COL6A6: variants seen among roughly 807,000 people sequenced by gnomAD.
The protein encoded by COL6A6 is collagen alpha-6(VI) chain.
A neutral mutation model predicts 208.6 loss-of-function variants in COL6A6; 183 were observed. The observed-to-expected ratio is 0.88, with a 90% CI of 0.78 to 0.99. The LOEUF (loss-of-function observed/expected upper bound fraction) is 0.99, where lower values mean the gene tolerates loss of function less well. COL6A6 is among the 50% of genes least tolerant of loss of function. The probability of loss-of-function intolerance (pLI) is 0.00; values close to 1 mark genes in which losing one functional copy is unlikely to be tolerated. For synonymous variants in COL6A6, 973 were observed against 1,011.8 expected (o/e 0.96, Z 0.73); for missense variants, 2,816 against 2,815.2 (o/e 1.00, Z -0.01).
intron 1 of COL6A6, 78 bp from the exon 2 acceptor site, chr3:130,560,256 A>C: frequency 1.2e-6 from 1 of 842,952 alleles, no homozygotes; most frequent in Non-Finnish European, 1.8e-6. Flanking sequence ...TTATTATATA[A>C]TTTTGTATGC....
intron 1 of COL6A6, among the ~76,000 whole-genome samples, chr3:130,549,240 G>A (rs777678201): frequency 2.6e-5 from 4 of 152,086 alleles, no homozygotes; most frequent in Non-Finnish European, 5.9e-5. Flanking sequence ...CATGATCATG[G>A]CTCACTGCAG....
intron 1 of COL6A6, among the ~76,000 whole-genome samples, chr3:130,525,089 C>T (rs1485531246): frequency 6.6e-6 from 1 of 152,118 alleles, no homozygotes. Context: ...AATGAGAGTC[C>T]AGGATTTCAA....
chr3:130,672,195 C>T (rs988757138), intron 36 of COL6A6, among the ~76,000 whole-genome samples: 1 of 152,178 alleles, frequency 6.6e-6, no homozygotes, highest in African/African-American at 2.4e-5. Flanking sequence ...TCACAGAGAA[C>T]TACAATTAGT....
rs780102746 is a variant in COL6A6 at position 130,574,484 on chromosome 3, A to G, written c.3506A>G (p.Lys1169Arg). 3 of 1,613,906 alleles carry G rather than the reference A, an allele frequency of 1.9e-6. No individual in the cohort carries two copies. The East Asian group carries it at 6.7e-5, about 36-fold the overall frequency. The change falls in exon 8 of 37, where the codon AAA becomes AGA. Residue 1169 changes from lysine to arginine, a missense_variant. Coordinates refer to ENST00000358511, the MANE Select transcript of COL6A6 (RefSeq NM_001102608.3). ...HNFDELKKVNKRIVRNICTTA... is the reference protein window; with the variant it reads ...HNFDELKKVNRRIVRNICTTA... ...TTCGATGAACTGAAGAAGGTCAATA[A>G]AAGGATCGTTCGCAACATCTGTACC... is the stretch of plus-strand genomic sequence containing the variant.
chr3:130,596,174 ATCT>A (rs1229969281), intron 18 of COL6A6, among the ~76,000 whole-genome samples: 1 of 152,216 alleles, frequency 6.6e-6, no homozygotes, highest in African/African-American at 2.4e-5. Flanking sequence ...ACTAAGTGAC[ATCT>A]TCTGATAATG....
chr3:130,524,667 G>A (rs1001947819), intron 1 of COL6A6, among the ~76,000 whole-genome samples: 5 of 152,140 alleles, frequency 3.3e-5, no homozygotes, highest in Non-Finnish European at 7.4e-5. Flanking sequence ...TTATTTCTCA[G>A]TGCTCTTATC....
intron 23 of COL6A6, 79 bp downstream of exon 23, chr3:130,610,790 A>G (rs2064334772): frequency 9.9e-7 from 1 of 1,014,050 alleles, no homozygotes; most frequent in Admixed American, 2.3e-5. Flanking sequence ...ATACAGGTGG[A>G]GTTATTTACT....
chr3:130,599,826 G>C lies in COL6A6; in HGVS notation c.4653+16G>C. 1 of 1,613,082 alleles carries C rather than the reference G, an allele frequency of 6.2e-7. No homozygotes were observed. The highest frequency in any genetic ancestry group is 8.5e-7 in the Non-Finnish European group (1 of 1,179,312). On this transcript the variant is annotated intron_variant, in intron 20 of 36. Transcript: ENST00000358511. ...AAGAAAGACAGTAAGAGCCCTTCTA[G>C]ACAAGGAGACCCACTGTTTTGGTGG...
chr3:130,550,649 T>C (rs947435660), intron 1 of COL6A6, among the ~76,000 whole-genome samples: 8 of 152,124 alleles, frequency 5.3e-5, no homozygotes, highest in Non-Finnish European at 1.2e-4. Flanking sequence ...ATAAACCCAT[T>C]AGATCTTGTG....
intron 1 of COL6A6, among the ~76,000 whole-genome samples, chr3:130,527,462 C>G (rs1015063929): frequency 2.0e-5 from 3 of 152,112 alleles, no homozygotes; most frequent in African/African-American, 7.2e-5. Flanking sequence ...TTCAGCACCC[C>G]CCGCCAAGGG....
At chr3:130,536,010 G>C (rs987750177) in intron 1 of COL6A6, among the ~76,000 whole-genome samples, 3 of 152,166 alleles carry the variant, frequency 2.0e-5, no homozygotes, top group Non-Finnish European at 4.4e-5. Flanking sequence ...AATGGTAGCT[G>C]ATACATATAT....
chr3:130,599,000 G>A (rs1272623250), intron 19 of COL6A6, among the ~76,000 whole-genome samples: 1 of 152,186 alleles, frequency 6.6e-6, no homozygotes, highest in Non-Finnish European at 1.5e-5. Context: ...TAGGAAAGAA[G>A]TACGATAAAG....
Position 130,565,571 on chromosome 3 carries a change from C to A in COL6A6, c.1239C>A (p.His413Gln). The A allele has an allele frequency of 6.2e-7, 1 of 1,613,598 alleles. No homozygotes were observed. Among genetic ancestry groups the A allele is most frequent in the South Asian group, 1.1e-5 (1 of 90,972 alleles). The change falls in exon 4 of 37, where the codon CAC becomes CAA. Residue 413 changes from histidine (H) to glutamine (Q), a missense_variant. Coordinates refer to ENST00000358511, the MANE Select transcript of COL6A6 (RefSeq NM_001102608.3). ...FLKKLRNQIT[H>Q]TVSVFSERTE... ...AGAAGCTGCGGAACCAAATAACACA[C>A]ACAGTCTCTGTCTTTTCAGAGAGGA...
intron 18 of COL6A6, among the ~76,000 whole-genome samples, chr3:130,595,853 C>T (rs1270548046): frequency 1.3e-5 from 2 of 152,048 alleles, no homozygotes; most frequent in African/African-American, 4.8e-5. Flanking sequence ...ATGTGTATGG[C>T]CATACTCAGA....
At chr3:130,569,665 A>G (rs2063112535) in intron 6 of COL6A6, among the ~76,000 whole-genome samples, 1 of 152,242 alleles carries the variant, frequency 6.6e-6, no homozygotes, top group African/African-American at 2.4e-5. Flanking sequence ...CAGAACAAAT[A>G]TGAACTTTCT....
chr3:130,600,663 T>C (rs1329656508), intron 20 of COL6A6, among the ~76,000 whole-genome samples: 2 of 152,044 alleles, frequency 1.3e-5, no homozygotes, highest in Non-Finnish European at 2.9e-5. Flanking sequence ...GAGTTGAACA[T>C]TGAGAACACA....
intron 26 of COL6A6, among the ~76,000 whole-genome samples, chr3:130,628,129 G>A (rs1449162457): frequency 6.6e-6 from 1 of 152,166 alleles, no homozygotes; most frequent in Non-Finnish European, 1.5e-5. Context: ...AATAATGCAA[G>A]AGGCCATCTG....
Position 130,517,410 on chromosome 3 carries a change from G to T in COL6A6, c.-32+13G>T, listed in dbSNP as rs1710799263. Among the ~76,000 whole-genome samples the T allele has an allele frequency of 6.6e-6, 1 of 152,270 alleles. No individual in the cohort carries two copies. Among genetic ancestry groups the T allele is most frequent in the Non-Finnish European group, 1.5e-5 (1 of 68,040 alleles). On this transcript the variant is annotated intron_variant, in intron 1 of 36. Transcript: ENST00000358511. ...AAGTTTCCCCAAGGTAAGTCCAGGA[G>T]CCAACGCTGGGACAGCAAGAGCCAA... is the stretch of plus-strand genomic sequence containing the variant.
At chr3:130,553,386 G>T (rs2062692039) in intron 1 of COL6A6, among the ~76,000 whole-genome samples, 1 of 152,092 alleles carries the variant, frequency 6.6e-6, no homozygotes, top group African/African-American at 2.4e-5. Flanking sequence ...GTCTGACTGG[G>T]TTATTTGGGA....
Sources: gnomAD v4.1 joint callset for allele counts (sites outside exome capture counted in the v4.1 genomes callset) on GRCh38, gnomAD v4.1.1 for gene constraint, MANE v1.5 for transcripts, NCBI Gene and HGNC (gene_info 2026-07-23, HGNC 2026-07-21) for gene names.